Variants in SRGAP1 observed in about 807,000 individuals in gnomAD.
SRGAP1 encodes SLIT-ROBO Rho GTPase activating protein 1, also known as SLIT-ROBO Rho GTPase-activating protein 1.
In SRGAP1, 43 loss-of-function variants were observed where a neutral mutation model predicts 121.9. The ratio of observed to expected loss-of-function variants is 0.35; its 90% CI spans 0.28 to 0.46. The LOEUF (loss-of-function observed/expected upper bound fraction) is 0.46, where lower values mean the gene tolerates loss of function less well. Ranked by LOEUF, SRGAP1 falls within the 20% of genes least tolerant of loss-of-function variation. The pLI, the probability that SRGAP1 is intolerant of heterozygous loss-of-function variation, is 1.00. For synonymous variants in SRGAP1, 447 were observed against 485.4 expected (o/e 0.92, Z 1.04); for missense variants, 1,102 against 1,350.9 (o/e 0.82, Z 2.89).
At position 63,924,392 on chromosome 12, in the gene SRGAP1, TA is replaced by T. The variant is rs553518676; in HGVS notation, c.68-59552del. On this transcript the variant is annotated intron_variant, in intron 1 of 21. Transcript: ENST00000355086. ...AGTGCTCCATTGACCCAGAATAAAG[TA>T]AATCGGAAATAGATTCTTCATTAAC... Among the ~76,000 whole-genome samples, 1,261 of 152,288 alleles carry T rather than the reference TA, an allele frequency of 8.3e-3. 5 individuals carry two copies. Among genetic ancestry groups the T allele is most frequent in the Non-Finnish European group, 0.014 (971 of 68,016 alleles).
chr12:64,087,016 A>G lies in SRGAP1; in HGVS notation c.1426A>G (p.Met476Val), dbSNP rs762817662. Residue 476 changes from methionine to valine, a missense_variant, in exon 11 of 22, where the codon ATG (methionine) becomes GTG (valine). Met to Val is a conservative substitution (Grantham distance 21). This residue lies in a region of SRGAP1 where 747 missense variants were observed against 929.4 expected (regional missense o/e 0.80). Transcript: ENST00000355086. ...TCCTGCAGGTCATAGAGCTGAATATATGACTACAAGGTAGGAAAATATTTT... is the reference window on the plus strand; with the variant it reads ...TCCTGCAGGTCATAGAGCTGAATATGTGACTACAAGGTAGGAAAATATTTT... The part of the protein sequence containing the change: ...TLGEGHRAEY[M>V]TTRPPNVPPK... The G allele has an allele frequency of 2.5e-6, 4 of 1,594,346 alleles. No homozygotes were observed. The highest frequency in any genetic ancestry group is 4.5e-5 in the East Asian group (2 of 44,480).
chr12:64,115,834 A>G lies in SRGAP1; in HGVS notation c.2165A>G (p.His722Arg). 1 of 1,613,748 alleles carries G rather than the reference A, an allele frequency of 6.2e-7. No homozygotes were observed. The highest frequency in any genetic ancestry group is 8.5e-7 in the Non-Finnish European group (1 of 1,179,798). ...TACAGCGACAGCCCATACAGTGAGC[A>G]CGGTACATTGGAGGAAGTGGACCAA... ...DDYCDSPYSE[H>R]GTLEEVDQDA... Residue 722 changes from histidine to arginine, a missense_variant, in exon 18 of 22, where the codon CAC becomes CGC. By Grantham distance (29) the His-to-Arg change is conservative. This residue lies in a region of SRGAP1 where 747 missense variants were observed against 929.4 expected (regional missense o/e 0.80). Coordinates refer to ENST00000355086, the MANE Select transcript of SRGAP1 (RefSeq NM_020762.4).
chr12:63,994,085 G>A (rs774005812), intron 3 of SRGAP1, among the ~76,000 whole-genome samples: 4 of 152,138 alleles, frequency 2.6e-5, no homozygotes, highest in Non-Finnish European at 4.4e-5. Flanking sequence ...CTCAGTTTCT[G>A]CAGCTATAAA....
chr12:64,022,668 G>A (rs2034575279), intron 4 of SRGAP1, among the ~76,000 whole-genome samples: 1 of 152,194 alleles, frequency 6.6e-6, no homozygotes. Context: ...TTAAATCACA[G>A]CTCTGTCCCT....
chr12:63,892,724 C>T (rs1900627344), intron 1 of SRGAP1, among the ~76,000 whole-genome samples: 1 of 152,150 alleles, frequency 6.6e-6, no homozygotes, highest in Non-Finnish European at 1.5e-5. Flanking sequence ...GCTGTCTCTC[C>T]ACTCTAAGCC....
In SRGAP1 at chr12:64,143,723, C is replaced by G. The variant is rs2037005673; in HGVS notation, c.*1051C>G. On this transcript the variant is annotated 3_prime_UTR_variant, in exon 22 of 22. Transcript: ENST00000355086. The stretch of plus-strand genomic sequence containing the variant: ...TCGGGTGGTTTACACAGGAGGATGG[C>G]TTTGGGCCTAGTAGTTCGAGTCCAG... The G allele has an allele frequency of 7.2e-6, 1 of 139,836 alleles. No homozygotes were observed. Among genetic ancestry groups the G allele is most frequent in the Non-Finnish European group, 1.6e-5 (1 of 63,660 alleles). 8.7% of individuals were successfully genotyped at this position (139,836 alleles called of 1,614,324 possible). A position where few individuals can be genotyped will look rare whatever the true frequency, so the allele number is the denominator to read the frequency against.
intron 1 of SRGAP1, among the ~76,000 whole-genome samples, chr12:63,966,211 G>A (rs956497218): frequency 6.6e-6 from 1 of 152,232 alleles, no homozygotes; most frequent in Non-Finnish European, 1.5e-5. Context: ...GGGAATGTGG[G>A]AAGATGTTTT....
chr12:63,948,885 TATATATATATTCCATATATATATTTTCC>T lies in SRGAP1; in HGVS notation c.68-35051_68-35024del, dbSNP rs1565963965. The stretch of plus-strand genomic sequence containing the variant: ...ATATATTCCATATATATATTTTCCA[TATATATATATTCCATATATATATTTTCC>T]ATATATATATATTCCATATATATAT... On this transcript the variant is annotated intron_variant, in intron 1 of 21. Coordinates refer to ENST00000355086, the MANE Select transcript of SRGAP1 (RefSeq NM_020762.4). 6.2e-3 allele frequency among the ~76,000 whole-genome samples: 739 copies of T among 118,518 alleles called. 140 individuals are homozygous for T. The highest frequency in any genetic ancestry group is 0.012 in the East Asian group (48 of 4,060). 77.8% of individuals were successfully genotyped at this position (118,518 alleles called of 152,430 possible). A position where few individuals can be genotyped will look rare whatever the true frequency, so the allele number is the denominator to read the frequency against.
At chr12:63,955,487 G>T (rs904472980) in intron 1 of SRGAP1, among the ~76,000 whole-genome samples, 6 of 151,984 alleles carry the variant, frequency 3.9e-5, no homozygotes, top group Admixed American at 6.6e-5. Context: ...AATTTAGTTA[G>T]ACTTAACTCC....
intron 8 of SRGAP1, among the ~76,000 whole-genome samples, chr12:64,069,034 A>G (rs1021483243): frequency 6.6e-6 from 1 of 151,138 alleles, no homozygotes; most frequent in Non-Finnish European, 1.5e-5. Flanking sequence ...GTGTGTATAT[A>G]TATACATATT....
chr12:63,844,958 C>A lies in SRGAP1; in HGVS notation c.67+75C>A. On this transcript the variant is annotated intron_variant, in intron 1 of 21. Coordinates refer to ENST00000355086, the MANE Select transcript of SRGAP1 (RefSeq NM_020762.4). This position sits in a 1 kb window ranked among gnomAD's most constrained non-coding sequence, Gnocchi z 4.3. ...TGTGCTCGTGGAGTTGCGTATCTAA[C>A]TTGGTGTCTGCGTGGGAGGAAGGTG... 6.9e-7 allele frequency: 1 copy of A among 1,439,470 alleles called. No individual in the cohort carries two copies. Among genetic ancestry groups the A allele is most frequent in the Non-Finnish European group, 9.8e-7 (1 of 1,021,172 alleles). 89.2% of individuals were successfully genotyped at this position (1,439,470 alleles called of 1,614,324 possible).
intron 1 of SRGAP1, among the ~76,000 whole-genome samples, chr12:63,956,964 C>T (rs1279608395): frequency 6.6e-6 from 1 of 152,086 alleles, no homozygotes; most frequent in Non-Finnish European, 1.5e-5. Flanking sequence ...TTTATGAAGT[C>T]ATATATTTGT....
intron 18 of SRGAP1, 116 bp downstream of exon 18, chr12:64,116,009 C>T (rs760800667): frequency 2.9e-5 from 26 of 900,146 alleles, no homozygotes; most frequent in Middle Eastern, 5.0e-4. Context: ...AATCCCAGCA[C>T]GTTGGGAAGC....
rs138452084 is a variant in SRGAP1, at chr12:64,156,747, T to G, written c.*14075T>G. ...GCTCAGCAATGAGTGTTGGTACACATGGAAAATCACATTTGCCATGTTTTC... is the reference window on the plus strand; with the variant it reads ...GCTCAGCAATGAGTGTTGGTACACAGGGAAAATCACATTTGCCATGTTTTC... On this transcript the variant is annotated 3_prime_UTR_variant, in exon 22 of 22. Coordinates refer to ENST00000355086, the MANE Select transcript of SRGAP1 (RefSeq NM_020762.4). 6.6e-6 allele frequency: 1 copy of G among 152,220 alleles called. No individual in the cohort carries two copies. The highest frequency in any genetic ancestry group is 1.5e-5 in the Non-Finnish European group (1 of 68,044). 9.4% of individuals were successfully genotyped at this position (152,220 alleles called of 1,614,324 possible).
At position 64,043,043 on chromosome 12, in the gene SRGAP1, G is replaced by A. The variant is rs2035056082; in HGVS notation, c.672+71G>A. Reference sequence around the variant, plus strand: ...CAATACTAAGAACACTGATGCAATAGCTGATATCCACACATTGTAAGTTAT... The same window carrying A: ...CAATACTAAGAACACTGATGCAATAACTGATATCCACACATTGTAAGTTAT... On this transcript the variant is annotated intron_variant, in intron 5 of 21. Transcript: ENST00000355086. 24 of 1,012,058 alleles carry A rather than the reference G, an allele frequency of 2.4e-5. No homozygotes were observed. In the South Asian group the frequency reaches 3.6e-4, roughly 15 times the overall value. 62.7% of individuals were successfully genotyped at this position (1,012,058 alleles called of 1,614,324 possible). A position where few individuals can be genotyped will look rare whatever the true frequency, so the allele number is the denominator to read the frequency against.
Position 64,157,581 on chromosome 12 carries a change from C to T in SRGAP1, c.*14909C>T, listed in dbSNP as rs1037129014. ...CCTGGAAATGAGTCTACAAAATCAA[C>T]ATTAAGGAAAAAATGATCAGGATTC... On this transcript the variant is annotated 3_prime_UTR_variant, in exon 22 of 22. Coordinates refer to ENST00000355086, the MANE Select transcript of SRGAP1 (RefSeq NM_020762.4). The T allele has an allele frequency of 5.3e-5, 8 of 151,926 alleles. No individual in the cohort carries two copies. Among genetic ancestry groups the T allele is most frequent in the Non-Finnish European group, 1.2e-4 (8 of 67,972 alleles). 9.4% of individuals were successfully genotyped at this position (151,926 alleles called of 1,614,324 possible). A position where few individuals can be genotyped will look rare whatever the true frequency, so the allele number is the denominator to read the frequency against.
At chr12:64,038,359 A>G (rs1344412080) in intron 4 of SRGAP1, among the ~76,000 whole-genome samples, 1 of 152,130 alleles carries the variant, frequency 6.6e-6, no homozygotes, top group Non-Finnish European at 1.5e-5. Context: ...GGGACACACA[A>G]TTTGGCATCC....
Position 63,910,510 on chromosome 12 carries a change from C to T in SRGAP1, c.67+65627C>T, listed in dbSNP as rs74860257. 6.7e-3 allele frequency among the ~76,000 whole-genome samples: 1,024 copies of T among 152,276 alleles called. 5 individuals are homozygous for T. The highest frequency in any genetic ancestry group is 0.023 in the African/African-American group (969 of 41,556). On this transcript the variant is annotated intron_variant, in intron 1 of 21. Coordinates refer to ENST00000355086, the MANE Select transcript of SRGAP1 (RefSeq NM_020762.4). ...ACACAATGTAGTTACATTTCCTTCC[C>T]ACCCTCTTCTGACCCATTTTGATCT...
intron 1 of SRGAP1, among the ~76,000 whole-genome samples, chr12:63,878,084 T>TAACAA: frequency 6.6e-6 from 1 of 152,344 alleles, no homozygotes; most frequent in East Asian, 1.9e-4. Context: ...CAGGCTCTCT[T>TAACAA]TATCTAATAA....
Sources: gnomAD v4.1 joint callset for allele counts (sites outside exome capture counted in the v4.1 genomes callset) on GRCh38, gnomAD v4.1.1 for gene constraint, gnomAD v4.1.1 regional missense constraint, Gnocchi (gnomAD v3.1) non-coding constraint, MANE v1.5 for transcripts, NCBI Gene and HGNC (gene_info 2026-07-23, HGNC 2026-07-21) for gene names.